The following AGPS variants were observed in gnomAD, a reference collection of about 807,000 sequenced individuals.
AGPS encodes the protein alkyldihydroxyacetonephosphate synthase, peroxisomal.
AGPS carries 26 observed loss-of-function variants against 90.7 expected under a neutral mutation model. The ratio of observed to expected loss-of-function variants is 0.29; its 90% CI spans 0.21 to 0.40. The LOEUF (loss-of-function observed/expected upper bound fraction) is 0.40, where lower values mean the gene tolerates loss of function less well. Ranked by LOEUF, AGPS falls within the 10% of genes least tolerant of loss-of-function variation. The probability of loss-of-function intolerance (pLI) is 1.00; values close to 1 mark genes in which losing one functional copy is unlikely to be tolerated. For synonymous variants in AGPS, 294 were observed against 285.3 expected (o/e 1.03, Z -0.31); for missense variants, 540 against 816.1 (o/e 0.66, Z 4.12).
chr2:177,523,239 A>G (rs1030292195), intron 18 of AGPS, among the ~76,000 whole-genome samples: 2 of 152,240 alleles, frequency 1.3e-5, no homozygotes, highest in African/African-American at 4.8e-5. Context: ...ATATTAGGCA[A>G]ATAATTTAAC....
At chr2:177,513,730 T>C in intron 16 of AGPS, 89 bp from the exon 17 acceptor site, 1 of 948,590 alleles carries the variant, frequency 1.1e-6, no homozygotes, top group South Asian at 1.4e-5. Flanking sequence ...AATGTCAGAC[T>C]TGAATGATGC....
chr2:177,526,227 CTT>C (rs749224337), intron 19 of AGPS, among the ~76,000 whole-genome samples: 88 of 124,288 alleles, frequency 7.1e-4, no homozygotes, highest in South Asian at 2.3e-3. Context: ...AGCTTCTTGT[CTT>C]TTTTTTTTTT....
At chr2:177,437,401 G>A (rs1214541594) in intron 5 of AGPS, among the ~76,000 whole-genome samples, 16 of 152,058 alleles carry the variant, frequency 1.1e-4, no homozygotes, top group Admixed American at 1.0e-3. Context: ...ATTGAGTACT[G>A]CAAACTAATA....
chr2:177,426,396 C>T (rs1686079634), intron 2 of AGPS, among the ~76,000 whole-genome samples: 1 of 152,264 alleles, frequency 6.6e-6, no homozygotes, highest in East Asian at 1.9e-4. Context: ...CTTTCTCTTG[C>T]CTGGTTGCCC....
chr2:177,439,573 T>C (rs1158468860), intron 5 of AGPS, among the ~76,000 whole-genome samples: 1 of 152,170 alleles, frequency 6.6e-6, no homozygotes, highest in East Asian at 1.9e-4. Context: ...TAGATATTTA[T>C]TAAAAATCGG....
intron 10 of AGPS, among the ~76,000 whole-genome samples, chr2:177,473,527 T>C (rs950071594): frequency 6.6e-6 from 1 of 152,144 alleles, no homozygotes; most frequent in African/African-American, 2.4e-5. Context: ...CACATTGCCA[T>C]GGAGTTATTT....
chr2:177,508,057 T>C (rs754801881), intron 16 of AGPS, 26 bp downstream of exon 16: 30 of 1,535,670 alleles, frequency 2.0e-5, no homozygotes, highest in Non-Finnish European at 2.7e-5. Context: ...GTGCCTGATA[T>C]TATTCAAATA....
intron 1 of AGPS, among the ~76,000 whole-genome samples, chr2:177,394,468 G>A (rs1409969411): frequency 6.6e-6 from 1 of 152,182 alleles, no homozygotes; most frequent in African/African-American, 2.4e-5. Context: ...GAACTGCTGA[G>A]ACTCAAGTGT....
chr2:177,492,055 G>A (rs1301770850), intron 11 of AGPS, among the ~76,000 whole-genome samples: 3 of 152,082 alleles, frequency 2.0e-5, no homozygotes, highest in Non-Finnish European at 4.4e-5. Context: ...CAAAGTGCTA[G>A]GATTGCAAGT....
Position 177,541,820 on chromosome 2 carries a change from A to G in AGPS, c.*3625A>G, listed in dbSNP as rs927190611. The G allele has an allele frequency of 6.6e-6, 1 of 152,174 alleles. No individual in the cohort carries two copies. Among genetic ancestry groups the G allele is most frequent in the African/African-American group, 2.4e-5 (1 of 41,454 alleles). 9.4% of individuals were successfully genotyped at this position (152,174 alleles called of 1,614,324 possible). ...ATTCTTACTAATTTCAGTTTCCTGT[A>G]AAGGAAACAACTTACATATTGATGC... On this transcript the variant is annotated 3_prime_UTR_variant, in exon 20 of 20. Transcript: ENST00000264167.
chr2:177,444,610 A>G (rs1384351272), intron 7 of AGPS, among the ~76,000 whole-genome samples: 1 of 152,106 alleles, frequency 6.6e-6, no homozygotes, highest in Non-Finnish European at 1.5e-5. Flanking sequence ...GTAGGCAGCA[A>G]CTGCTATTTT....
At chr2:177,447,392 A>T (rs537321874) in intron 8 of AGPS, among the ~76,000 whole-genome samples, 2 of 152,292 alleles carry the variant, frequency 1.3e-5, no homozygotes, top group East Asian at 3.9e-4. Context: ...AGATTTATCA[A>T]TTATTATAGT....
intron 9 of AGPS, among the ~76,000 whole-genome samples, chr2:177,467,252 CA>C (rs1259369259): frequency 1.3e-5 from 2 of 152,166 alleles, no homozygotes; most frequent in Non-Finnish European, 2.9e-5. Context: ...AATATATTAA[CA>C]TGTAAATGAA....
At chr2:177,502,407 A>ATT (rs71007998) in intron 14 of AGPS, among the ~76,000 whole-genome samples, 3 of 109,298 alleles carry the variant, frequency 2.7e-5, no homozygotes, top group East Asian at 2.5e-4. Context: ...AGCCATTTCG[A>ATT]TTTTTTTTTT....
intron 1 of AGPS, among the ~76,000 whole-genome samples, chr2:177,405,169 T>C (rs1685431748): frequency 6.6e-6 from 1 of 152,224 alleles, no homozygotes; most frequent in Non-Finnish European, 1.5e-5. Flanking sequence ...TCTGTCCAAA[T>C]GGTAAAATAT....
chr2:177,442,776 G>A (rs1686646275), intron 7 of AGPS, among the ~76,000 whole-genome samples: 1 of 149,030 alleles, frequency 6.7e-6, no homozygotes, highest in Admixed American at 6.8e-5. Flanking sequence ...GAACCCAGGA[G>A]GTGGAGGTTG....
chr2:177,516,342 A>G lies in AGPS; in HGVS notation c.1697+2434A>G, dbSNP rs1051999924. On this transcript the variant is annotated intron_variant, in intron 17 of 19. Coordinates refer to ENST00000264167, the MANE Select transcript of AGPS (RefSeq NM_003659.4). ...TATGGGAAGTAATTGCTAGTCATTG[A>G]GTCTAATACAAATAAAGTACTCCAA... is the stretch of plus-strand genomic sequence containing the variant. Among the ~76,000 whole-genome samples the G allele has an allele frequency of 2.4e-4, 37 of 152,272 alleles. No homozygotes were observed. In the Middle Eastern group the frequency reaches 0.01, roughly 42 times the overall value.
chr2:177,527,152 G>T (rs1386020897), intron 19 of AGPS, among the ~76,000 whole-genome samples: 2 of 152,190 alleles, frequency 1.3e-5, no homozygotes, highest in South Asian at 2.1e-4. Flanking sequence ...TATGGGCTGG[G>T]CATGGGGGCT....
At chr2:177,489,927 C>A (rs1263093957) in intron 11 of AGPS, among the ~76,000 whole-genome samples, 1 of 152,124 alleles carries the variant, frequency 6.6e-6, no homozygotes, top group Non-Finnish European at 1.5e-5. Context: ...GGACCTTTTT[C>A]CCTCCTTTAC....
Sources: gnomAD v4.1 joint callset for allele counts (sites outside exome capture counted in the v4.1 genomes callset) on GRCh38, gnomAD v4.1.1 for gene constraint, MANE v1.5 for transcripts, NCBI Gene and HGNC (gene_info 2026-07-23, HGNC 2026-07-21) for gene names.